Variants in SOX6 observed in about 807,000 individuals in gnomAD.
The protein encoded by SOX6 is transcription factor SOX-6.
In SOX6, 11 loss-of-function variants were observed where a neutral mutation model predicts 97.8. The ratio of observed to expected loss-of-function variants is 0.11; its 90% CI spans 0.07 to 0.19. The LOEUF is 0.19. Among genes scored for constraint, SOX6 ranks in the 10% least tolerant of loss-of-function variants. SOX6 has a pLI of 1.00. For missense variants in SOX6, 810 were observed against 1,039.5 expected, an observed-to-expected ratio of 0.78 and a Z score of 3.04; for synonymous variants, 360 against 371.4, an observed-to-expected ratio of 0.97 and a Z score of 0.35.
At chr11:16,128,560 C>T (rs1849663108) in intron 6 of SOX6, among the ~76,000 whole-genome samples, 1 of 152,120 alleles carries the variant, frequency 6.6e-6, no homozygotes, top group Non-Finnish European at 1.5e-5. Flanking sequence ...TCTTTAGTAT[C>T]CAGTTTACTT....
At chr11:16,062,269 A>G (rs1847976875) in intron 9 of SOX6, among the ~76,000 whole-genome samples, 1 of 151,666 alleles carries the variant, frequency 6.6e-6, no homozygotes, top group South Asian at 2.1e-4. Flanking sequence ...AGTCTAGTTA[A>G]TAACAAAAAA....
chr11:16,164,348 AT>A (rs1850829932), intron 6 of SOX6, among the ~76,000 whole-genome samples: 1 of 152,174 alleles, frequency 6.6e-6, no homozygotes, highest in Non-Finnish European at 1.5e-5. Context: ...AGCAAATAAA[AT>A]GTATGTAAAG....
chr11:15,998,708 C>T (rs1854307446), intron 13 of SOX6, among the ~76,000 whole-genome samples: 2 of 152,078 alleles, frequency 1.3e-5, no homozygotes, highest in South Asian at 4.1e-4. Flanking sequence ...ACAAATACCG[C>T]CAGAACAAGT....
chr11:16,299,724 T>C (rs2134271623), intron 3 of SOX6, among the ~76,000 whole-genome samples: 1 of 152,210 alleles, frequency 6.6e-6, no homozygotes, highest in African/African-American at 2.4e-5. Flanking sequence ...CTTTTTACAA[T>C]CCAGGTGTAA....
At chr11:16,104,693 C>A (rs1431458089) in intron 7 of SOX6, among the ~76,000 whole-genome samples, 1 of 151,504 alleles carries the variant, frequency 6.6e-6, no homozygotes, top group Non-Finnish European at 1.5e-5. Flanking sequence ...TCTTGGAAAA[C>A]AAATGGTGCT....
intron 4 of SOX6, among the ~76,000 whole-genome samples, chr11:16,578,236 G>A (rs1848001362): frequency 6.6e-6 from 1 of 152,090 alleles, no homozygotes; most frequent in African/African-American, 2.4e-5. Flanking sequence ...CTGTTTTTAA[G>A]AAGTGATTTA....
At chr11:15,995,589 G>A (rs1463535626) in intron 13 of SOX6, among the ~76,000 whole-genome samples, 1 of 152,094 alleles carries the variant, frequency 6.6e-6, no homozygotes, top group Non-Finnish European at 1.5e-5. Context: ...AAAAACACTG[G>A]CTGAAAATTA....
intron 12 of SOX6, among the ~76,000 whole-genome samples, chr11:16,025,000 A>AT (rs1855175842): frequency 6.6e-6 from 1 of 152,158 alleles, no homozygotes; most frequent in Non-Finnish European, 1.5e-5. Flanking sequence ...ATACAGTAGC[A>AT]TTAACTCTGA....
chr11:16,231,809 T>C (rs1404958158), intron 4 of SOX6, among the ~76,000 whole-genome samples: 1 of 151,774 alleles, frequency 6.6e-6, no homozygotes, highest in Non-Finnish European at 1.5e-5. Context: ...ACAAAAATAA[T>C]ATTTTAGAAG....
At chr11:16,537,131 C>T (rs903432166) in intron 4 of SOX6, among the ~76,000 whole-genome samples, 2 of 152,136 alleles carry the variant, frequency 1.3e-5, no homozygotes, top group East Asian at 1.9e-4. Flanking sequence ...CAATATTTTC[C>T]GTTCTGCAAT....
At chr11:16,686,032 C>T (rs945469579) in intron 3 of SOX6, among the ~76,000 whole-genome samples, 1 of 152,234 alleles carries the variant, frequency 6.6e-6, no homozygotes, top group Non-Finnish European at 1.5e-5. Flanking sequence ...AGCCATGATG[C>T]GGAAGGTTGT....
At chr11:16,485,379 A>C (rs1860411694) in intron 4 of SOX6, among the ~76,000 whole-genome samples, 1 of 152,100 alleles carries the variant, frequency 6.6e-6, no homozygotes, top group Non-Finnish European at 1.5e-5. Context: ...TAAGGTGAGG[A>C]GTTCAAAACC....
At chr11:16,034,932 A>T (rs1474887077) in intron 12 of SOX6, among the ~76,000 whole-genome samples, 1 of 152,212 alleles carries the variant, frequency 6.6e-6, no homozygotes, top group Non-Finnish European at 1.5e-5. Context: ...ACAGACGCAC[A>T]GCAGGAGCAG....
At chr11:16,567,675 T>C (rs749587956) in intron 4 of SOX6, among the ~76,000 whole-genome samples, 6 of 147,188 alleles carry the variant, frequency 4.1e-5, no homozygotes, top group Non-Finnish European at 9.0e-5. Flanking sequence ...CAAGCAATTC[T>C]CCTGCCTCAG....
At chr11:16,200,657 T>C (rs991670635) in intron 4 of SOX6, among the ~76,000 whole-genome samples, 22 of 152,238 alleles carry the variant, frequency 1.4e-4, no homozygotes. Flanking sequence ...AAAACTGTTA[T>C]GTTCTTTGAC....
At chr11:16,198,849 T>C (rs1439902829) in intron 4 of SOX6, among the ~76,000 whole-genome samples, 1 of 152,246 alleles carries the variant, frequency 6.6e-6, no homozygotes, top group East Asian at 1.9e-4. Flanking sequence ...AAGCCTTTGC[T>C]GTGAATTAGG....
intron 9 of SOX6, among the ~76,000 whole-genome samples, chr11:16,063,320 A>G (rs1168556753): frequency 6.6e-6 from 1 of 150,832 alleles, no homozygotes; most frequent in Admixed American, 6.6e-5. Context: ...GAAACCCTTC[A>G]GTGCCTTCCA....
chr11:16,025,851 T>C (rs1855202656), intron 12 of SOX6, among the ~76,000 whole-genome samples: 1 of 152,108 alleles, frequency 6.6e-6, no homozygotes, highest in Non-Finnish European at 1.5e-5. Flanking sequence ...TTTCCTATAA[T>C]TTAAAAAAAT....
chr11:16,069,428 CT>C (rs1465762355), intron 9 of SOX6, among the ~76,000 whole-genome samples: 2 of 152,060 alleles, frequency 1.3e-5, no homozygotes, highest in East Asian at 3.9e-4. Flanking sequence ...TCTATCACAA[CT>C]TTTGGTTTGG....
Sources: allele counts gnomAD v4.1 joint callset (sites outside exome capture counted in the v4.1 genomes callset), GRCh38; gene constraint gnomAD v4.1.1; transcripts MANE v1.5; gene names NCBI Gene and HGNC (gene_info 2026-07-23, HGNC 2026-07-21).